WNT4: variants seen among roughly 807,000 people sequenced by gnomAD.
WNT4 encodes the protein Wnt family member 4.
In WNT4, 16 loss-of-function variants were observed where a neutral mutation model predicts 34.5. The observed-to-expected ratio is 0.46, with a 90% CI of 0.31 to 0.70. The LOEUF is 0.70. WNT4 is among the 30% of genes least tolerant of loss of function. The pLI is 0.04. For missense variants in WNT4, 379 were observed against 495.9 expected (o/e 0.76, Z 2.24); for synonymous variants, 200 against 211.9 (o/e 0.94, Z 0.49).
chr1:22,117,488 G>C lies in WNT4; in HGVS notation c.*2562C>G, dbSNP rs1317083213. 6.6e-6 allele frequency: 1 copy of C among 152,350 alleles called. No individual in the cohort carries two copies. The highest frequency in any genetic ancestry group is 1.9e-4 in the East Asian group (1 of 5,198). The allele number at this position is 152,350 out of a possible 1,614,324, so 9.4% of individuals were successfully genotyped here. ...GCATCACCTTTGCCTTGGGACGAGAGGAGAGTGGTTTGGGCAGGATGTGGA... is the reference window on the plus strand; with the variant it reads ...GCATCACCTTTGCCTTGGGACGAGACGAGAGTGGTTTGGGCAGGATGTGGA... On this transcript the variant is annotated 3_prime_UTR_variant, in exon 5 of 5. Coordinates refer to ENST00000290167, the MANE Select transcript of WNT4 (RefSeq NM_030761.5).
chr1:22,123,937 G>T (rs112772236), intron 2 of WNT4, among the ~76,000 whole-genome samples: 1,865 of 152,294 alleles, frequency 0.012, 38 homozygotes, highest in African/African-American at 0.043. Context: ...GCCCCAGAAA[G>T]CCTGGAAGAT....
chr1:22,128,580 G>C (rs1645957678), intron 2 of WNT4, among the ~76,000 whole-genome samples: 1 of 152,176 alleles, frequency 6.6e-6, no homozygotes, highest in Non-Finnish European at 1.5e-5. Flanking sequence ...CCCAGCCCCA[G>C]CCAGGGGTGG....
intron 2 of WNT4, among the ~76,000 whole-genome samples, chr1:22,121,830 A>C (rs1227075614): frequency 6.6e-6 from 1 of 152,196 alleles, no homozygotes; most frequent in Non-Finnish European, 1.5e-5. Context: ...CCACCCCAGG[A>C]GGCAAGTACT....
rs1302877483 is a variant in WNT4 at position 22,120,326 on chromosome 1, T to C, written c.780A>G (p.Ala260=). Residue 260 remains alanine (A), a synonymous_variant, in exon 5 of 5, where the codon GCA becomes GCG. Transcript: ENST00000290167. ...GSSRALVPRN[A]QFKPHTDEDL... is the part of the protein sequence containing the mutation. ...CCTCATCTGTGTGCGGCTTGAACTG[T>C]GCGTTGCGTGGCACCAGTGCCCTGG... 1.9e-6 allele frequency: 3 copies of C among 1,614,236 alleles called. No individual in the cohort carries two copies. The highest frequency in any genetic ancestry group is 2.5e-6 in the Non-Finnish European group (3 of 1,180,040).
In WNT4 at chr1:22,121,220, G is replaced by C. The variant is rs373288764; in HGVS notation, c.579C>G (p.Ala193=). ...GGTAGTGCCACACTACCTTCCTGCC[G>C]GCCTCATTGTTGTGGAGGTTCATGA... ...RALMNLHNNE[A]GRKAILTHMR... The change falls in exon 4 of 5, where the codon GCC becomes GCG. Residue 193 remains alanine, a synonymous_variant. Transcript: ENST00000290167. 1.5e-5 allele frequency: 24 copies of C among 1,614,030 alleles called. No individual in the cohort carries two copies. In the South Asian group the frequency reaches 2.5e-4, roughly 17 times the overall value.
intron 4 of WNT4, 26 bp downstream of exon 4, chr1:22,121,185 C>A: frequency 5.0e-6 from 8 of 1,613,404 alleles, no homozygotes; most frequent in Non-Finnish European, 6.8e-6. Flanking sequence ...CTACCCCGCT[C>A]TTGGTGGGGG....
rs375383744 is a variant in WNT4, at chr1:22,139,528, C to T, written c.77+3318G>A. Among the ~76,000 whole-genome samples, 1 of 152,158 alleles carries T rather than the reference C, an allele frequency of 6.6e-6. No homozygotes were observed. The highest frequency in any genetic ancestry group is 1.9e-4 in the East Asian group (1 of 5,196). Reference sequence around the variant, plus strand: ...GCAGCGTGGTCCCCCTCCCCTCACCCGTGGGATTCTGCTAGAACCCCGCTA... The same window carrying T: ...GCAGCGTGGTCCCCCTCCCCTCACCTGTGGGATTCTGCTAGAACCCCGCTA... On this transcript the variant is annotated intron_variant, in intron 1 of 4. Transcript: ENST00000290167. The surrounding 1 kb of genome is among the most constrained non-coding windows in gnomAD (Gnocchi z 4.6).
At chr1:22,126,514 C>T (rs1219931614) in intron 2 of WNT4, among the ~76,000 whole-genome samples, 1 of 152,206 alleles carries the variant, frequency 6.6e-6, no homozygotes, top group East Asian at 1.9e-4. Flanking sequence ...TGTGGGAGAA[C>T]AGCACTGTAA....
chr1:22,120,027 C>G lies in WNT4; in HGVS notation c.*23G>C. 2 of 1,602,584 alleles carry G rather than the reference C, an allele frequency of 1.2e-6. No homozygotes were observed. Among genetic ancestry groups the G allele is most frequent in the South Asian group, 2.2e-5 (2 of 90,770 alleles). On this transcript the variant is annotated 3_prime_UTR_variant, in exon 5 of 5. Coordinates refer to ENST00000290167, the MANE Select transcript of WNT4 (RefSeq NM_030761.5). Reference sequence around the variant, plus strand: ...CCTTCCCTGGGCCACTAGGTGGTTGCCGGCGCAGGGCTAGGCAGGCGGTCA... The same window carrying G: ...CCTTCCCTGGGCCACTAGGTGGTTGGCGGCGCAGGGCTAGGCAGGCGGTCA...
chr1:22,122,384 G>A (rs74059877), intron 2 of WNT4, among the ~76,000 whole-genome samples: 4,906 of 152,206 alleles, frequency 0.032, 136 homozygotes, highest in African/African-American at 0.072. Flanking sequence ...TCAAGCACAC[G>A]TCTGTCTGCC....
intron 2 of WNT4, among the ~76,000 whole-genome samples, chr1:22,128,181 G>C (rs1461696790): frequency 2.0e-5 from 3 of 152,222 alleles, no homozygotes. Flanking sequence ...GCTCTTAGGA[G>C]AATGACTTCC....
chr1:22,129,203 C>T (rs570821031), intron 2 of WNT4, among the ~76,000 whole-genome samples: 2 of 152,238 alleles, frequency 1.3e-5, no homozygotes, highest in Non-Finnish European at 2.9e-5. Context: ...GGAAGAGCAG[C>T]GGGCCAGGGG....
At chr1:22,127,218 C>T (rs1328420358) in intron 2 of WNT4, 6 of 466,258 alleles carry the variant, frequency 1.3e-5, no homozygotes, top group South Asian at 7.8e-5. Flanking sequence ...TCGACTCCAC[C>T]AGTCAGACTT....
At position 22,142,966 on chromosome 1, in the gene WNT4, C is replaced by A. The variant is rs770516386; in HGVS notation, c.-44G>T. 2.2e-5 allele frequency: 22 copies of A among 1,002,392 alleles called. No individual in the cohort carries two copies. The South Asian group carries it at 8.2e-4, about 37-fold the overall frequency. 62.1% of individuals were successfully genotyped at this position (1,002,392 alleles called of 1,614,324 possible). On this transcript the variant is annotated 5_prime_UTR_variant, in exon 1 of 5. Coordinates refer to ENST00000290167, the MANE Select transcript of WNT4 (RefSeq NM_030761.5). This position sits in a 1 kb window ranked among gnomAD's most constrained non-coding sequence, Gnocchi z 6.0. ...CGGCCCGGGGCAGCGGCTGCGGCCG[C>A]GGGGGGCCTCCCGTCGGGGCTGCAG...
At chr1:22,128,259 G>A (rs905851481) in intron 2 of WNT4, among the ~76,000 whole-genome samples, 2 of 152,196 alleles carry the variant, frequency 1.3e-5, no homozygotes, top group East Asian at 1.9e-4. Context: ...AGCCCCGGCC[G>A]TCCAGGACCA....
intron 1 of WNT4, among the ~76,000 whole-genome samples, chr1:22,136,586 A>T (rs1025211321): frequency 6.6e-6 from 1 of 152,088 alleles, no homozygotes; most frequent in African/African-American, 2.4e-5. Context: ...GGTGGGGCTC[A>T]TCCCCCCAGC....
At chr1:22,138,956 T>C (rs1646044001) in intron 1 of WNT4, among the ~76,000 whole-genome samples, 1 of 152,220 alleles carries the variant, frequency 6.6e-6, no homozygotes, top group East Asian at 1.9e-4. Context: ...GAAAGCATGA[T>C]GCGTCCTTCA....
chr1:22,142,732 C>T lies in WNT4; in HGVS notation c.77+114G>A. 1.3e-6 allele frequency: 1 copy of T among 744,842 alleles called. No individual in the cohort carries two copies. Among genetic ancestry groups the T allele is most frequent in the Non-Finnish European group, 1.6e-6 (1 of 611,034 alleles). The allele number at this position is 744,842 out of a possible 1,614,324, so 46.1% of individuals were successfully genotyped here. A position where few individuals can be genotyped will look rare whatever the true frequency, so the allele number is the denominator to read the frequency against. ...GCGAGCGAGCCTCCGGTCCCGCGGCCGAGACACCTGCCGGGCTGCCCCGCG... is the reference window on the plus strand; with the variant it reads ...GCGAGCGAGCCTCCGGTCCCGCGGCTGAGACACCTGCCGGGCTGCCCCGCG... On this transcript the variant is annotated intron_variant, in intron 1 of 4. Transcript: ENST00000290167. This position sits in a 1 kb window ranked among gnomAD's most constrained non-coding sequence, Gnocchi z 6.0.
chr1:22,120,391 C>T lies in WNT4; in HGVS notation c.715G>A (p.Asp239Asn). The change falls in exon 5 of 5, where the codon GAT becomes AAT. Residue 239 changes from aspartate (D) to asparagine (N), a missense_variant. Physicochemically the swap from Asp to Asn is conservative, Grantham distance 23. Transcript: ENST00000290167. ...QVGHALKEKF[D>N]GATEVEPRRV... The stretch of plus-strand genomic sequence containing the variant: ...CGTGGCTCCACCTCAGTGGCACCAT[C>T]AAACTTCTCCTTCAGTGCGTGACCC... 6.2e-7 allele frequency: 1 copy of T among 1,614,174 alleles called. No homozygotes were observed. Among genetic ancestry groups the T allele is most frequent in the Non-Finnish European group, 8.5e-7 (1 of 1,180,040 alleles).
Sources: gnomAD v4.1 joint callset for allele counts (sites outside exome capture counted in the v4.1 genomes callset) on GRCh38, gnomAD v4.1.1 for gene constraint, Gnocchi (gnomAD v3.1) non-coding constraint, MANE v1.5 for transcripts, NCBI Gene and HGNC (gene_info 2026-07-23, HGNC 2026-07-21) for gene names.